PTPRD: variants seen among roughly 807,000 people sequenced by gnomAD.
PTPRD encodes receptor-type tyrosine-protein phosphatase delta.
A neutral mutation model predicts 214.5 loss-of-function variants in PTPRD; 34 were observed. That is an observed-to-expected ratio of 0.16 (90% CI 0.12 to 0.21). PTPRD has a LOEUF of 0.21. Ranked by LOEUF, PTPRD falls within the 10% of genes least tolerant of loss-of-function variation. The probability of loss-of-function intolerance (pLI) is 1.00; values close to 1 mark genes in which losing one functional copy is unlikely to be tolerated. For synonymous variants in PTPRD, 1,128 were observed against 845.7 expected (o/e 1.33, Z -5.79); for missense variants, 2,545 against 2,398.7 (o/e 1.06, Z -1.27).
chr9:10,536,341 C>G (rs2057794631), intron 2 of PTPRD, among the ~76,000 whole-genome samples: 1 of 152,086 alleles, frequency 6.6e-6, no homozygotes, highest in Non-Finnish European at 1.5e-5. Flanking sequence ...TTGATTTCTT[C>G]TAATTTCTGC....
chr9:9,159,395 A>G lies in PTPRD; in HGVS notation c.-143+23909T>C, dbSNP rs187589697. On this transcript the variant is annotated intron_variant, in intron 10 of 45. Coordinates refer to ENST00000381196, the MANE Select transcript of PTPRD (RefSeq NM_002839.4). ...GATATAAAATCAATATCCACAAATT[A>G]GTAGTGTTTCTATATATGTATAATG... is the stretch of plus-strand genomic sequence containing the variant. Among the ~76,000 whole-genome samples the G allele has an allele frequency of 5.7e-3, 870 of 152,318 alleles. 6 individuals carry two copies. Among genetic ancestry groups the G allele is most frequent in the African/African-American group, 0.02 (811 of 41,574 alleles).
intron 3 of PTPRD, among the ~76,000 whole-genome samples, chr9:10,236,300 T>C (rs2099628605): frequency 6.6e-6 from 1 of 151,954 alleles, no homozygotes; most frequent in Non-Finnish European, 1.5e-5. Context: ...TTCTGTCTTT[T>C]GAGCCTGTTA....
At chr9:8,896,349 A>C (rs2098610526) in intron 11 of PTPRD, among the ~76,000 whole-genome samples, 1 of 152,168 alleles carries the variant, frequency 6.6e-6, no homozygotes, top group African/African-American at 2.4e-5. Flanking sequence ...AATAACATTA[A>C]GCTTAAAATA....
intron 8 of PTPRD, among the ~76,000 whole-genome samples, chr9:9,477,127 A>C (rs2095109260): frequency 6.6e-6 from 1 of 152,214 alleles, no homozygotes; most frequent in South Asian, 2.1e-4. Context: ...CAAATGGTCC[A>C]AGAATGTAGG....
chr9:10,481,557 T>C (rs2099097969), intron 2 of PTPRD, among the ~76,000 whole-genome samples: 1 of 152,196 alleles, frequency 6.6e-6, no homozygotes, highest in Admixed American at 6.5e-5. Flanking sequence ...GTGTTATCAA[T>C]GTCTCTTAGC....
chr9:9,079,443 T>C (rs1162705927), intron 10 of PTPRD, among the ~76,000 whole-genome samples: 1 of 152,148 alleles, frequency 6.6e-6, no homozygotes, highest in Admixed American at 6.6e-5. Context: ...ATCTTGGCTA[T>C]TGTGAATAGA....
At chr9:9,186,162 G>C (rs2099931336) in intron 9 of PTPRD, among the ~76,000 whole-genome samples, 1 of 152,082 alleles carries the variant, frequency 6.6e-6, no homozygotes, top group Non-Finnish European at 1.5e-5. Flanking sequence ...TGGATTTTCA[G>C]CAAGTAATTT....
chr9:10,225,981 G>A (rs572044773), intron 3 of PTPRD, among the ~76,000 whole-genome samples: 3 of 152,048 alleles, frequency 2.0e-5, no homozygotes, highest in South Asian at 4.1e-4. Flanking sequence ...TCCAGTACAT[G>A]TATCTTATTT....
chr9:8,671,983 C>T (rs2097297533), intron 12 of PTPRD, among the ~76,000 whole-genome samples: 1 of 152,156 alleles, frequency 6.6e-6, no homozygotes, highest in Admixed American at 6.5e-5. Context: ...TCTCACGAGT[C>T]CATAAACATT....
intron 5 of PTPRD, among the ~76,000 whole-genome samples, chr9:9,908,525 G>C (rs112437602): frequency 9.2e-4 from 140 of 152,124 alleles, no homozygotes; most frequent in African/African-American, 3.3e-3. Context: ...GCCATCCACA[G>C]GGTTGTTAAT....
chr9:9,346,151 T>C (rs550456078), intron 9 of PTPRD, among the ~76,000 whole-genome samples: 1 of 152,284 alleles, frequency 6.6e-6, no homozygotes, highest in African/African-American at 2.4e-5. Flanking sequence ...AAGTGCAGAA[T>C]ATATCTTCCT....
intron 8 of PTPRD, among the ~76,000 whole-genome samples, chr9:9,479,545 A>C (rs1023377201): frequency 6.6e-6 from 1 of 152,164 alleles, no homozygotes; most frequent in Non-Finnish European, 1.5e-5. Flanking sequence ...CAAGTACTAA[A>C]AACAAGTCAT....
At chr9:8,490,792 T>C (rs1242771058) in intron 27 of PTPRD, among the ~76,000 whole-genome samples, 1 of 152,212 alleles carries the variant, frequency 6.6e-6, no homozygotes, top group Non-Finnish European at 1.5e-5. Context: ...GATATGATTC[T>C]TTACAGGTTG....
rs952505758 is a variant in PTPRD, at chr9:8,804,071, G to C, written c.-103-70125C>G. 3.3e-5 allele frequency among the ~76,000 whole-genome samples: 5 copies of C among 152,096 alleles called. No individual in the cohort carries two copies. The East Asian group carries it at 7.8e-4, about 24-fold the overall frequency. ...GGGTTCAAGCAATTCTCCTGCCTCA[G>C]CCTCCTTAGTAACTGGGATTAGAGG... On this transcript the variant is annotated intron_variant, in intron 11 of 45. Transcript: ENST00000381196.
intron 14 of PTPRD, among the ~76,000 whole-genome samples, chr9:8,565,097 G>T (rs149111737): frequency 9.9e-4 from 151 of 152,210 alleles, no homozygotes; most frequent in African/African-American, 3.5e-3. Flanking sequence ...GGGGAGAGAC[G>T]AACATGTGGC....
chr9:8,600,427 C>T (rs1415573529), intron 14 of PTPRD, among the ~76,000 whole-genome samples: 1 of 152,096 alleles, frequency 6.6e-6, no homozygotes, highest in Non-Finnish European at 1.5e-5. Flanking sequence ...ACACTCCAGC[C>T]TGGGTAGTTA....
chr9:9,384,343 C>CCTTTTTTTTT (rs2063207087), intron 9 of PTPRD, among the ~76,000 whole-genome samples: 1 of 33,316 alleles, frequency 3.0e-5, no homozygotes, highest in African/African-American at 7.6e-5. Flanking sequence ...GAAGACTAGG[C>CCTTTTTTTTT]TTTTTTTTTT....
intron 3 of PTPRD, among the ~76,000 whole-genome samples, chr9:10,141,212 A>G (rs1310519502): frequency 6.6e-6 from 1 of 152,064 alleles, no homozygotes; most frequent in African/African-American, 2.4e-5. Flanking sequence ...GCCCTCTCTC[A>G]CCACTCCTAT....
intron 3 of PTPRD, among the ~76,000 whole-genome samples, chr9:10,158,930 A>C (rs1469546268): frequency 6.6e-6 from 1 of 152,144 alleles, no homozygotes; most frequent in Non-Finnish European, 1.5e-5. Flanking sequence ...TCAGTCTTGG[A>C]AACTCTGCTC....
Sources: allele counts gnomAD v4.1 joint callset (sites outside exome capture counted in the v4.1 genomes callset), GRCh38; gene constraint gnomAD v4.1.1; transcripts MANE v1.5; gene names NCBI Gene and HGNC (gene_info 2026-07-23, HGNC 2026-07-21).